The following ANKS1B variants were observed in gnomAD, a reference collection of about 807,000 sequenced individuals.
ANKS1B encodes ankyrin repeat and sterile alpha motif domain-containing protein 1B.
In ANKS1B, 36 loss-of-function variants were observed where a neutral mutation model predicts 148.3. The observed-to-expected ratio is 0.24, with a 90% confidence interval of 0.19 to 0.32. The LOEUF (loss-of-function observed/expected upper bound fraction) is 0.32, where lower values mean the gene tolerates loss of function less well. ANKS1B is among the 10% of genes least tolerant of loss of function. The pLI is 1.00. For synonymous variants in ANKS1B, 542 were observed against 560.8 expected (o/e 0.97, Z 0.47); for missense variants, 1,157 against 1,542.6 (o/e 0.75, Z 4.19).
intron 1 of ANKS1B, among the ~76,000 whole-genome samples, chr12:99,970,212 C>G (rs1452850779): frequency 6.6e-6 from 1 of 152,000 alleles, no homozygotes; most frequent in Non-Finnish European, 1.5e-5. Flanking sequence ...GGGGTGGGAT[C>G]AGGAAATAAC....
At chr12:98,983,437 A>G (rs2099918480) in intron 17 of ANKS1B, among the ~76,000 whole-genome samples, 1 of 152,172 alleles carries the variant, frequency 6.6e-6, no homozygotes, top group Non-Finnish European at 1.5e-5. Flanking sequence ...TGAGTTGGAT[A>G]AAAGTCAATA....
At chr12:99,592,367 G>A (rs2097711438) in intron 9 of ANKS1B, among the ~76,000 whole-genome samples, 1 of 151,652 alleles carries the variant, frequency 6.6e-6, no homozygotes, top group African/African-American at 2.4e-5. Context: ...AAGCACAAGT[G>A]GAAGGAAACT....
rs572288554 is a variant in ANKS1B at position 99,963,761 on chromosome 12, T to C, written c.134+20343A>G. Among the ~76,000 whole-genome samples, 14 of 152,352 alleles carry C rather than the reference T, an allele frequency of 9.2e-5. No homozygotes were observed. In the South Asian group the frequency reaches 2.9e-3, roughly 32 times the overall value. On this transcript the variant is annotated intron_variant, in intron 1 of 26. Transcript: ENST00000683438. ...TGTCCTGGTTCATTTGAAGCAATAA[T>C]CATTTTTATAAGACCTGTGCAGATG...
At chr12:99,051,759 A>G (rs1016531353) in intron 17 of ANKS1B, among the ~76,000 whole-genome samples, 1 of 152,226 alleles carries the variant, frequency 6.6e-6, no homozygotes, top group African/African-American at 2.4e-5. Flanking sequence ...AATCACATTA[A>G]TTTGTCTATT....
chr12:98,764,703 CCT>C (rs1219918140), intron 25 of ANKS1B, among the ~76,000 whole-genome samples: 2 of 152,284 alleles, frequency 1.3e-5, no homozygotes, highest in African/African-American at 2.4e-5. Context: ...TACCTGATAC[CCT>C]GAGTTCACTA....
At chr12:99,895,025 T>C (rs1308649072) in intron 1 of ANKS1B, among the ~76,000 whole-genome samples, 3 of 150,950 alleles carry the variant, frequency 2.0e-5, no homozygotes, top group Non-Finnish European at 4.4e-5. Context: ...ATTTGTATAA[T>C]AGTTAATTTT....
At chr12:99,944,936 G>A (rs1310258674) in intron 1 of ANKS1B, among the ~76,000 whole-genome samples, 1 of 152,094 alleles carries the variant, frequency 6.6e-6, no homozygotes, top group Non-Finnish European at 1.5e-5. Context: ...TGGGGATGGG[G>A]AGAGGTAGCC....
chr12:99,558,053 G>C (rs1246027969), intron 9 of ANKS1B, among the ~76,000 whole-genome samples: 1 of 152,158 alleles, frequency 6.6e-6, no homozygotes, highest in Admixed American at 6.5e-5. Flanking sequence ...GGTATTCTTA[G>C]ACTGCTAGCC....
Position 99,642,856 on chromosome 12 carries a change from T to C in ANKS1B, c.1272+12211A>G, listed in dbSNP as rs151249130. On this transcript the variant is annotated intron_variant, in intron 9 of 26. Coordinates refer to ENST00000683438, the MANE Select transcript of ANKS1B (RefSeq NM_001352186.2). ...GAATCTGTTCCCTGCCTTTTTCAAC[T>C]TCAAGGGGCCACCTGTATTCCTTGG... Among the ~76,000 whole-genome samples, 193 of 152,250 alleles carry C rather than the reference T, an allele frequency of 1.3e-3. 1 individual carries two copies. The highest frequency in any genetic ancestry group is 4.0e-3 in the African/African-American group (168 of 41,540).
At chr12:99,475,002 C>T (rs1041892124) in intron 10 of ANKS1B, among the ~76,000 whole-genome samples, 3 of 151,546 alleles carry the variant, frequency 2.0e-5, no homozygotes, top group Admixed American at 6.6e-5. Context: ...ACTGGTAGGC[C>T]GAGGTGGGCA....
chr12:99,197,219 T>G (rs900783633), intron 14 of ANKS1B, among the ~76,000 whole-genome samples: 5 of 152,030 alleles, frequency 3.3e-5, no homozygotes, highest in African/African-American at 1.2e-4. Flanking sequence ...GGATAATTAA[T>G]AACAGAAAAG....
At chr12:99,443,889 A>G (rs2095590578) in intron 10 of ANKS1B, 80 bp from the exon 11 acceptor site, 1 of 1,485,866 alleles carries the variant, frequency 6.7e-7, no homozygotes, top group Non-Finnish European at 9.0e-7. Context: ...TCTGAACATA[A>G]ATTGAGATTT....
intron 12 of ANKS1B, among the ~76,000 whole-genome samples, chr12:99,397,606 A>C (rs1246268168): frequency 6.6e-6 from 1 of 152,172 alleles, no homozygotes; most frequent in Non-Finnish European, 1.5e-5. Flanking sequence ...AGTTCATACC[A>C]GAACTTTTTC....
intron 16 of ANKS1B, among the ~76,000 whole-genome samples, chr12:99,068,258 ATGTGTCCTTAGGTGATTTTG>A (rs1437651153): frequency 2.6e-5 from 4 of 152,178 alleles, no homozygotes; most frequent in Non-Finnish European, 4.4e-5. Flanking sequence ...ATACATCAGA[ATGTGTCCTTAGGTGATTTTG>A]TCATTGTGCG....
chr12:99,010,905 T>TG (rs1336378063), intron 17 of ANKS1B, among the ~76,000 whole-genome samples: 2 of 148,982 alleles, frequency 1.3e-5, no homozygotes, highest in African/African-American at 2.5e-5. Context: ...GCTTTTGTTT[T>TG]TTTTTTTTTT....
intron 17 of ANKS1B, among the ~76,000 whole-genome samples, chr12:98,947,606 A>C (rs1162042444): frequency 6.6e-6 from 1 of 152,190 alleles, no homozygotes; most frequent in South Asian, 2.1e-4. Context: ...GCAAACCAGT[A>C]ATTTGATATT....
At chr12:99,268,032 C>T (rs1025495158) in intron 12 of ANKS1B, among the ~76,000 whole-genome samples, 1 of 152,066 alleles carries the variant, frequency 6.6e-6, no homozygotes, top group African/African-American at 2.4e-5. Flanking sequence ...GGACTCAAAC[C>T]CAAATTTTAC....
At chr12:99,457,729 C>A (rs1162272492) in intron 10 of ANKS1B, among the ~76,000 whole-genome samples, 5 of 152,106 alleles carry the variant, frequency 3.3e-5, no homozygotes, top group Non-Finnish European at 1.5e-5. Context: ...GAAAACATCA[C>A]AAACCTAAAT....
chr12:99,646,033 A>AAAG (rs1398859394), intron 9 of ANKS1B, among the ~76,000 whole-genome samples: 1 of 151,890 alleles, frequency 6.6e-6, no homozygotes, highest in Non-Finnish European at 1.5e-5. Context: ...CAGTAAAAAA[A>AAAG]AAAAAAAAAG....
Sources: allele counts gnomAD v4.1 joint callset (sites outside exome capture counted in the v4.1 genomes callset), GRCh38; gene constraint gnomAD v4.1.1; transcripts MANE v1.5; gene names NCBI Gene and HGNC (gene_info 2026-07-23, HGNC 2026-07-21).